PCDH15: variants seen among roughly 807,000 people sequenced by gnomAD.
PCDH15 encodes protocadherin-15.
PCDH15 carries 129 observed loss-of-function variants against 178.5 expected under a neutral mutation model. That is an observed-to-expected ratio of 0.72 (90% CI 0.63 to 0.84). PCDH15 has a LOEUF of 0.84. PCDH15 is among the 40% of genes least tolerant of loss of function. The pLI, the probability that PCDH15 is intolerant of heterozygous loss-of-function variation, is 0.00. For missense variants in PCDH15, 2,230 were observed against 2,099.9 expected (o/e 1.06, Z -1.21); for synonymous variants, 800 against 732.0 (o/e 1.09, Z -1.50).
At chr10:55,414,140 T>G (rs1838417175) in intron 2 of PCDH15, among the ~76,000 whole-genome samples, 1 of 151,654 alleles carries the variant, frequency 6.6e-6, no homozygotes, top group South Asian at 2.1e-4. Context: ...TCATAAAATT[T>G]TTTTCTTAAC....
chr10:54,870,755 T>C (rs147967503), intron 3 of PCDH15, among the ~76,000 whole-genome samples: 17,328 of 151,518 alleles, frequency 0.11, 1,350 homozygotes, highest in East Asian at 0.25. Flanking sequence ...CACTGCACTC[T>C]AGCCTGGGCG....
intron 2 of PCDH15, among the ~76,000 whole-genome samples, chr10:55,118,666 G>A (rs1837686298): frequency 1.3e-5 from 2 of 152,142 alleles, no homozygotes; most frequent in Admixed American, 1.3e-4. Context: ...GCCACCAAAG[G>A]GTCTTGTAAA....
At chr10:53,952,028 G>T (rs1246054709) in intron 23 of PCDH15, among the ~76,000 whole-genome samples, 1 of 152,228 alleles carries the variant, frequency 6.6e-6, no homozygotes, top group Non-Finnish European at 1.5e-5. Context: ...GGAGAACGTG[G>T]TGGCACCCAG....
chr10:54,047,336 A>G (rs1038564011), intron 18 of PCDH15, among the ~76,000 whole-genome samples: 1 of 138,436 alleles, frequency 7.2e-6, no homozygotes, highest in South Asian at 2.2e-4. Context: ...ATAAATTTCA[A>G]TTGTTCTTTG....
At chr10:55,367,375 G>C (rs1845390854) in intron 2 of PCDH15, among the ~76,000 whole-genome samples, 2 of 152,018 alleles carry the variant, frequency 1.3e-5, no homozygotes, top group South Asian at 4.1e-4. Context: ...GAGCCCAGGA[G>C]TTTGAGACCA....
intron 3 of PCDH15, among the ~76,000 whole-genome samples, chr10:54,827,074 A>T (rs1194060651): frequency 6.6e-6 from 1 of 152,074 alleles, no homozygotes; most frequent in Non-Finnish European, 1.5e-5. Context: ...ATATGGGAAT[A>T]CATGTGTTGT....
chr10:53,977,162 C>A (rs1464946463), intron 21 of PCDH15, among the ~76,000 whole-genome samples: 1 of 152,016 alleles, frequency 6.6e-6, no homozygotes, highest in Non-Finnish European at 1.5e-5. Flanking sequence ...TAAAGCCAAC[C>A]CTGGCAATGC....
intron 21 of PCDH15, among the ~76,000 whole-genome samples, chr10:53,993,148 C>T (rs908525655): frequency 1.2e-4 from 18 of 152,178 alleles, no homozygotes; most frequent in African/African-American, 3.9e-4. Context: ...CCTGGTTGAG[C>T]ATGTATATAC....
intron 1 of PCDH15, among the ~76,000 whole-genome samples, chr10:54,737,388 T>A (rs1002752913): frequency 2.0e-5 from 3 of 152,124 alleles, no homozygotes; most frequent in Admixed American, 6.6e-5. Flanking sequence ...ATTAAAATAC[T>A]TGCTAAATAA....
chr10:55,312,158 A>T (rs1234057948), intron 1 of PCDH15, among the ~76,000 whole-genome samples: 1 of 152,146 alleles, frequency 6.6e-6, no homozygotes, highest in Non-Finnish European at 1.5e-5. Flanking sequence ...TAAATAAGCC[A>T]TTAGTATAAA....
intron 2 of PCDH15, among the ~76,000 whole-genome samples, chr10:55,048,253 A>G (rs1247307502): frequency 6.6e-6 from 1 of 151,792 alleles, no homozygotes; most frequent in Non-Finnish European, 1.5e-5. Flanking sequence ...AAATAATTAT[A>G]TAAGTCCAGT....
intron 13 of PCDH15, among the ~76,000 whole-genome samples, chr10:54,159,662 A>G (rs1162802140): frequency 6.6e-6 from 1 of 152,120 alleles, no homozygotes; most frequent in Non-Finnish European, 1.5e-5. Context: ...TTTTGGTTTG[A>G]GATACCATGT....
chr10:55,031,276 C>G (rs887551416), intron 2 of PCDH15, among the ~76,000 whole-genome samples: 2 of 152,164 alleles, frequency 1.3e-5, no homozygotes, highest in Non-Finnish European at 1.5e-5. Context: ...AAAAAATGCA[C>G]TGGTATACAG....
intron 2 of PCDH15, among the ~76,000 whole-genome samples, chr10:55,355,147 T>A (rs1307962026): frequency 6.6e-6 from 1 of 152,006 alleles, no homozygotes; most frequent in Non-Finnish European, 1.5e-5. Context: ...TACTTACTCA[T>A]TGCCCCACTG....
chr10:54,157,009 T>G (rs554796883), intron 13 of PCDH15, among the ~76,000 whole-genome samples: 130 of 152,336 alleles, frequency 8.5e-4, no homozygotes, highest in African/African-American at 3.0e-3. Context: ...GGCAGCTCTG[T>G]CCCTTTGGCT....
intron 5 of PCDH15, among the ~76,000 whole-genome samples, chr10:54,355,828 T>C (rs1944894442): frequency 6.6e-6 from 1 of 152,028 alleles, no homozygotes; most frequent in Non-Finnish European, 1.5e-5. Flanking sequence ...GTGCAAACCT[T>C]TACATTAGTA....
intron 26 of PCDH15, among the ~76,000 whole-genome samples, chr10:53,885,324 A>G (rs761603608): frequency 1.3e-5 from 2 of 152,104 alleles, no homozygotes; most frequent in Non-Finnish European, 2.9e-5. Context: ...ATGTACATTA[A>G]TTAGTATAAT....
chr10:54,590,384 C>T (rs1490045599), intron 2 of PCDH15, among the ~76,000 whole-genome samples: 1 of 152,124 alleles, frequency 6.6e-6, no homozygotes, highest in Non-Finnish European at 1.5e-5. Context: ...CCAAAAATTA[C>T]CTCTTGCTTA....
intron 2 of PCDH15, among the ~76,000 whole-genome samples, chr10:55,025,175 G>A (rs1840446214): frequency 6.6e-6 from 1 of 152,122 alleles, no homozygotes; most frequent in Non-Finnish European, 1.5e-5. Flanking sequence ...GACTGTATAT[G>A]TGTGTTGAGT....
Sources: allele counts gnomAD v4.1 joint callset (sites outside exome capture counted in the v4.1 genomes callset), GRCh38; gene constraint gnomAD v4.1.1; transcripts MANE v1.5; gene names NCBI Gene and HGNC (gene_info 2026-07-23, HGNC 2026-07-21).